The following PABIR3 variants were observed in gnomAD, a reference collection of about 807,000 sequenced individuals.
PABIR3 encodes PABIR family member 1.
PABIR3 carries 20 observed loss-of-function variants against 23.1 expected under a neutral mutation model. The ratio of observed to expected loss-of-function variants is 0.86; its 90% CI spans 0.61 to 1.26. The LOEUF (loss-of-function observed/expected upper bound fraction) is 1.26, where lower values mean the gene tolerates loss of function less well. Ranked by LOEUF, PABIR3 falls within the 50% of genes most tolerant of loss-of-function variation. PABIR3 has a pLI of 0.00. For missense variants in PABIR3, 189 were observed against 195.4 expected (o/e 0.97, Z 0.20); for synonymous variants, 69 against 68.5 (o/e 1.01, Z -0.04).
At chrX:134,814,905 A>G in intron 3 of PABIR3, 56 bp downstream of exon 3, 1 of 908,476 alleles carries the variant, frequency 1.1e-6, no homozygotes, top group East Asian at 3.3e-5. Context: ...ATTGGTCTCA[A>G]CCAATGGTCT....
chrX:134,820,005 G>A (rs193292115), intron 3 of PABIR3, among the ~76,000 whole-genome samples: 25 of 111,523 alleles, frequency 2.2e-4, no homozygotes, highest in East Asian at 1.7e-3. Context: ...GTTCTAGGCC[G>A]GGTTAGTTCA....
intron 1 of PABIR3, chrX:134,797,289 G>C (rs2079912337): frequency 8.8e-6 from 1 of 113,723 alleles, no homozygotes; most frequent in African/African-American, 3.2e-5. Context: ...GCCTCCAAAG[G>C]GGAGGAGCGT....
intron 1 of PABIR3, among the ~76,000 whole-genome samples, chrX:134,801,907 C>T (rs761335203): frequency 3.7e-5 from 4 of 106,804 alleles, no homozygotes; most frequent in African/African-American, 1.4e-4. Flanking sequence ...TGGGATGCAA[C>T]TCATAGGTGA....
At chrX:134,839,311 C>T (rs748611573) in intron 4 of PABIR3, 132 of 124,283 alleles carry the variant, frequency 1.1e-3, no homozygotes, top group Middle Eastern at 6.9e-3. Flanking sequence ...CCCGCTGCCC[C>T]GTCTGGGATG....
In PABIR3 at chrX:134,824,808, A is replaced by G. The variant is rs958300779; in HGVS notation, c.190-4418A>G. On this transcript the variant is annotated intron_variant, in intron 3 of 10. Transcript: ENST00000645433. Reference sequence around the variant, plus strand: ...GGTGACAGACTGAGATTCCTTCTCAAAAAAAGAAAAAAGAAAAAAAATAAA... The same window carrying G: ...GGTGACAGACTGAGATTCCTTCTCAGAAAAAGAAAAAAGAAAAAAAATAAA... Among the ~76,000 whole-genome samples the G allele has an allele frequency of 9.9e-5, 11 of 111,617 alleles. 1 individual carries two copies. Among genetic ancestry groups the G allele is most frequent in the African/African-American group, 2.9e-4 (9 of 30,627 alleles).
intron 6 of PABIR3, among the ~76,000 whole-genome samples, chrX:134,846,560 A>G (rs2082443708): frequency 8.9e-6 from 1 of 111,811 alleles, no homozygotes; most frequent in African/African-American, 3.3e-5. Flanking sequence ...GAGAGATTCT[A>G]ACTAATGTCA....
intron 3 of PABIR3, among the ~76,000 whole-genome samples, chrX:134,827,226 C>T (rs751390351): frequency 9.0e-6 from 1 of 111,392 alleles, no homozygotes; most frequent in East Asian, 2.9e-4. Context: ...CTCCCCCTCC[C>T]GAAGTGCTGG....
intron 1 of PABIR3, among the ~76,000 whole-genome samples, chrX:134,801,712 A>G (rs1373008362): frequency 8.9e-6 from 1 of 112,108 alleles, no homozygotes; most frequent in African/African-American, 3.2e-5. Flanking sequence ...AGCAGCCAAC[A>G]GTTGAGCCTG....
intron 2 of PABIR3, among the ~76,000 whole-genome samples, 185 bp downstream of exon 2, chrX:134,807,893 G>T (rs962655649): frequency 3.6e-5 from 4 of 111,278 alleles, no homozygotes; most frequent in Non-Finnish European, 7.5e-5. Flanking sequence ...ACCTGAGGGG[G>T]AGCGCGCACC....
At position 134,854,223 on chromosome X, in the gene PABIR3, A is replaced by G. The variant is rs5975480; in HGVS notation, c.*6A>G. On this transcript the variant is annotated 3_prime_UTR_variant, in exon 11 of 11. Transcript: ENST00000645433. ...CTGGTTCTCATTTGTTCTAGTAGAC[A>G]AACTTTCAACTAAATGATTCACCCA... is the stretch of plus-strand genomic sequence containing the variant. The G allele has an allele frequency of 0.074, 88,696 of 1,201,972 alleles. 6,706 individuals carry two copies. The highest frequency in any genetic ancestry group is 0.5 in the African/African-American group (28,433 of 56,706).
intron 2 of PABIR3, among the ~76,000 whole-genome samples, chrX:134,812,764 G>T (rs2148136154): frequency 9.0e-6 from 1 of 111,117 alleles, no homozygotes; most frequent in South Asian, 3.8e-4. Flanking sequence ...AAAAGAGGGG[G>T]AACAATGGTT....
chrX:134,812,270 G>A (rs768442170), intron 2 of PABIR3, among the ~76,000 whole-genome samples: 2 of 111,799 alleles, frequency 1.8e-5, no homozygotes, highest in South Asian at 7.4e-4. Context: ...CAAATTTAGG[G>A]TAGACTATAT....
Position 134,854,326 on chromosome X carries a change from A to T in PABIR3, c.*109A>T. 1.2e-6 allele frequency: 1 copy of T among 828,060 alleles called. No individual in the cohort carries two copies. The highest frequency in any genetic ancestry group is 1.6e-6 in the Non-Finnish European group (1 of 628,676). The allele number at this position is 828,060 out of a possible 1,213,427, so 68.2% of individuals were successfully genotyped here. ...AGAGCAATGAGAATTGTACTGTATAATTTAAACTATCTCCTATTTATCTTT... is the reference window on the plus strand; with the variant it reads ...AGAGCAATGAGAATTGTACTGTATATTTTAAACTATCTCCTATTTATCTTT... On this transcript the variant is annotated 3_prime_UTR_variant, in exon 11 of 11. Coordinates refer to ENST00000645433, the MANE Select transcript of PABIR3 (RefSeq NM_001388447.1).
chrX:134,840,240 C>T (rs1220101103), intron 4 of PABIR3, among the ~76,000 whole-genome samples: 1 of 111,135 alleles, frequency 9.0e-6, no homozygotes, highest in Non-Finnish European at 1.9e-5. Context: ...GCAGGGTCCT[C>T]TGCCTAGGAA....
At chrX:134,842,602 C>T (rs756051966) in intron 4 of PABIR3, among the ~76,000 whole-genome samples, 4 of 107,687 alleles carry the variant, frequency 3.7e-5, no homozygotes, top group Non-Finnish European at 7.7e-5. Context: ...AGCGAGACTC[C>T]GTCTCAAAAA....
In PABIR3 at chrX:134,847,970, A is replaced by G. The variant is rs1429825075; in HGVS notation, c.526A>G (p.Ile176Val). The G allele has an allele frequency of 8.8e-7, 1 of 1,131,120 alleles. No homozygotes were observed. 93.2% of individuals were successfully genotyped at this position (1,131,120 alleles called of 1,213,427 possible). The part of the protein sequence containing the change: ...PIPSPMQQYI[I>V]RSQNPTNIIR... ...TCCCAGTCCTATGCAACAATACATC[A>G]TGTAAGTTTATGTTATATGAAAATA... The change falls in exon 8 of 11, where the codon ATA becomes GTA. Residue 176 changes from isoleucine to valine, a missense_variant and splice_region_variant. Transcript: ENST00000645433.
upstream of PABIR3, chrX:134,804,292 ATTTC>A: frequency 3.0e-6 from 3 of 1,006,998 alleles, no homozygotes; most frequent in African/African-American, 3.8e-5. Context: ...AGTAAAAACA[ATTTC>A]TTTAATGTTG....
downstream of PABIR3, among the ~76,000 whole-genome samples, chrX:134,857,059 T>C (rs1295338197): frequency 8.9e-6 from 1 of 112,228 alleles, no homozygotes; most frequent in African/African-American, 3.2e-5. Flanking sequence ...TTCCTAAACA[T>C]GCTGAAGAAT....
At chrX:134,818,764 T>C (rs2081108873) in intron 3 of PABIR3, among the ~76,000 whole-genome samples, 1 of 110,713 alleles carries the variant, frequency 9.0e-6, no homozygotes, top group African/African-American at 3.3e-5. Context: ...TTGGTCAGTA[T>C]GAAGCACTCA....
Sources: allele counts gnomAD v4.1 joint callset (sites outside exome capture counted in the v4.1 genomes callset), GRCh38; gene constraint gnomAD v4.1.1; transcripts MANE v1.5; gene names NCBI Gene and HGNC (gene_info 2026-07-23, HGNC 2026-07-21).